Variants in MARCHF1 observed in about 807,000 individuals in gnomAD.
MARCHF1 encodes the protein E3 ubiquitin-protein ligase MARCHF1.
In MARCHF1, 40 loss-of-function variants were observed where a neutral mutation model predicts 54.2. The ratio of observed to expected loss-of-function variants is 0.74; its 90% CI spans 0.57 to 0.96. The LOEUF (loss-of-function observed/expected upper bound fraction) is 0.96, where lower values mean the gene tolerates loss of function less well. Among genes scored for constraint, MARCHF1 ranks in the 40% least tolerant of loss-of-function variants. The pLI is 0.00. For synonymous variants in MARCHF1, 236 were observed against 236.3 expected (o/e 1.00, Z 0.01); for missense variants, 586 against 656.5 (o/e 0.89, Z 1.17).
At chr4:163,736,751 T>A (rs1007192049) in intron 4 of MARCHF1, among the ~76,000 whole-genome samples, 1 of 152,120 alleles carries the variant, frequency 6.6e-6, no homozygotes, top group Non-Finnish European at 1.5e-5. Context: ...AGAAATATAA[T>A]AAAAAATTAT....
intron 5 of MARCHF1, among the ~76,000 whole-genome samples, chr4:163,649,163 T>C (rs142017812): frequency 6.6e-6 from 1 of 152,174 alleles, no homozygotes; most frequent in South Asian, 2.1e-4. Flanking sequence ...GAGTTTTTCT[T>C]TGAGCACAAT....
chr4:164,028,226 T>C (rs1392841573), intron 2 of MARCHF1, among the ~76,000 whole-genome samples: 6 of 152,150 alleles, frequency 3.9e-5, no homozygotes, highest in Admixed American at 2.6e-4. Context: ...ATTGGGTATA[T>C]ACCAAAAGGA....
At chr4:163,569,218 C>T (rs1739749509) in intron 8 of MARCHF1, among the ~76,000 whole-genome samples, 1 of 152,150 alleles carries the variant, frequency 6.6e-6, no homozygotes, top group Non-Finnish European at 1.5e-5. Flanking sequence ...TCAATGTGCA[C>T]AGCTTGGTTT....
rs138097001 is a variant in MARCHF1, at chr4:163,966,352, G to A, written c.-39+22149C>T. ...AATATGTTTTTCATAGCTATAGCCT[G>A]TAAATTTTTACCTAATTAATAGAAT... On this transcript the variant is annotated intron_variant, in intron 3 of 9. Coordinates refer to ENST00000514618, the MANE Select transcript of MARCHF1 (RefSeq NM_001394959.1). Among the ~76,000 whole-genome samples, 910 of 152,082 alleles carry A rather than the reference G, an allele frequency of 6.0e-3. 8 individuals carry two copies. The highest frequency in any genetic ancestry group is 0.018 in the African/African-American group (762 of 41,512).
At chr4:164,295,300 T>C (rs1425177680) in intron 1 of MARCHF1, among the ~76,000 whole-genome samples, 1 of 152,222 alleles carries the variant, frequency 6.6e-6, no homozygotes, top group Admixed American at 6.5e-5. Context: ...TTTTATCTCC[T>C]GTTTTCAGAA....
intron 1 of MARCHF1, among the ~76,000 whole-genome samples, chr4:164,208,624 T>C (rs1219423166): frequency 6.6e-6 from 1 of 152,162 alleles, no homozygotes; most frequent in Non-Finnish European, 1.5e-5. Flanking sequence ...GATGATTCTT[T>C]AAAAGTAATG....
At chr4:163,747,904 G>T (rs577664416) in intron 4 of MARCHF1, among the ~76,000 whole-genome samples, 2 of 152,334 alleles carry the variant, frequency 1.3e-5, no homozygotes, top group African/African-American at 4.8e-5. Context: ...GAGCAGCTAG[G>T]TGACTGTCTG....
intron 4 of MARCHF1, among the ~76,000 whole-genome samples, chr4:163,771,271 A>G (rs1434663201): frequency 6.6e-6 from 1 of 152,210 alleles, no homozygotes; most frequent in Admixed American, 6.5e-5. Flanking sequence ...TGTACGGGAC[A>G]CAGCTTTCCA....
At chr4:163,848,884 C>T (rs1560786473) in intron 4 of MARCHF1, among the ~76,000 whole-genome samples, 2 of 152,116 alleles carry the variant, frequency 1.3e-5, no homozygotes, top group African/African-American at 2.4e-5. Flanking sequence ...AATAACTACT[C>T]TTTTCAATCA....
intron 1 of MARCHF1, among the ~76,000 whole-genome samples, chr4:164,149,780 A>G (rs1312010226): frequency 2.6e-5 from 4 of 152,186 alleles, no homozygotes; most frequent in African/African-American, 9.6e-5. Flanking sequence ...AATGATGTAA[A>G]GAAATTTAAA....
At chr4:164,175,596 A>G (rs1182390543) in intron 1 of MARCHF1, among the ~76,000 whole-genome samples, 1 of 152,106 alleles carries the variant, frequency 6.6e-6, no homozygotes, top group Non-Finnish European at 1.5e-5. Flanking sequence ...AAATCAGAAG[A>G]CTCTAAAGTA....
At chr4:164,205,466 T>C (rs1280468615) in intron 1 of MARCHF1, among the ~76,000 whole-genome samples, 2 of 152,176 alleles carry the variant, frequency 1.3e-5, no homozygotes, top group African/African-American at 4.8e-5. Context: ...TAAACAGTTT[T>C]GCTGGGGAAT....
intron 4 of MARCHF1, among the ~76,000 whole-genome samples, chr4:163,805,628 C>T (rs1748204774): frequency 6.6e-6 from 1 of 152,142 alleles, no homozygotes; most frequent in Admixed American, 6.5e-5. Flanking sequence ...ACATCAGGCT[C>T]CAACGATAGG....
chr4:163,571,592 CA>C (rs1739844170), intron 8 of MARCHF1, among the ~76,000 whole-genome samples: 1 of 152,078 alleles, frequency 6.6e-6, no homozygotes, highest in South Asian at 2.1e-4. Context: ...GATCTAGCTC[CA>C]AAATTTGTTA....
At chr4:164,181,356 T>A (rs965965881) in intron 1 of MARCHF1, among the ~76,000 whole-genome samples, 2 of 152,150 alleles carry the variant, frequency 1.3e-5, no homozygotes, top group African/African-American at 4.8e-5. Flanking sequence ...CACAATCATA[T>A]ATATGTATAC....
chr4:164,313,206 A>T (rs1734910861), intron 1 of MARCHF1, among the ~76,000 whole-genome samples: 2 of 148,214 alleles, frequency 1.3e-5, no homozygotes, highest in Non-Finnish European at 3.0e-5. Context: ...AAAATCAGCC[A>T]GGGGTGGTGG....
intron 3 of MARCHF1, among the ~76,000 whole-genome samples, chr4:163,896,457 T>C (rs1750808146): frequency 6.6e-6 from 1 of 152,220 alleles, no homozygotes; most frequent in African/African-American, 2.4e-5. Context: ...CTTATTGTTT[T>C]TAGGGATTTC....
intron 1 of MARCHF1, among the ~76,000 whole-genome samples, chr4:164,129,264 G>A (rs1057399626): frequency 8.5e-5 from 13 of 152,160 alleles, no homozygotes; most frequent in East Asian, 5.8e-4. Context: ...GCGATTTGTC[G>A]TTCGGAAATA....
intron 4 of MARCHF1, among the ~76,000 whole-genome samples, chr4:163,707,855 A>G (rs1422144271): frequency 6.6e-6 from 1 of 151,606 alleles, no homozygotes; most frequent in East Asian, 1.9e-4. Context: ...AATGTCTCAA[A>G]GCTTTAAACC....
Sources: gnomAD v4.1 joint callset for allele counts (sites outside exome capture counted in the v4.1 genomes callset) on GRCh38, gnomAD v4.1.1 for gene constraint, MANE v1.5 for transcripts, NCBI Gene and HGNC (gene_info 2026-07-23, HGNC 2026-07-21) for gene names.